Variants in TNIP3 observed in about 807,000 individuals in gnomAD.
TNIP3 encodes the protein TNFAIP3 interacting protein 3.
TNIP3 carries 34 observed loss-of-function variants against 54.1 expected under a neutral mutation model. That is an observed-to-expected ratio of 0.63 (90% confidence interval 0.48 to 0.84). The LOEUF (loss-of-function observed/expected upper bound fraction) is 0.84, where lower values mean the gene tolerates loss of function less well. Among genes scored for constraint, TNIP3 ranks in the 40% least tolerant of loss-of-function variants. The probability of loss-of-function intolerance (pLI) is 0.00; values close to 1 mark genes in which losing one functional copy is unlikely to be tolerated. For synonymous variants in TNIP3, 134 were observed against 136.8 expected, an observed-to-expected ratio of 0.98 and a Z score of 0.14; for missense variants, 366 against 387.6, an observed-to-expected ratio of 0.94 and a Z score of 0.47.
intron 2 of TNIP3, among the ~76,000 whole-genome samples, chr4:121,201,106 T>C (rs1725860878): frequency 6.6e-6 from 1 of 152,292 alleles, no homozygotes; most frequent in South Asian, 2.1e-4. Flanking sequence ...CTAAGCTATG[T>C]AAATGGATGC....
chr4:121,153,021 G>T (rs1729854284), intron 5 of TNIP3, among the ~76,000 whole-genome samples: 1 of 151,960 alleles, frequency 6.6e-6, no homozygotes, highest in Non-Finnish European at 1.5e-5. Context: ...ATTAAACCGG[G>T]AAATACCAGT....
rs746466806 is a variant in TNIP3, at chr4:121,141,890, C to G, written c.811G>C (p.Gly271Arg). The change falls in exon 9 of 11, where the codon GGC becomes CGC. Residue 271 changes from glycine to arginine, a missense_variant. By Grantham distance (125) the Gly-to-Arg change is moderately radical. Coordinates refer to ENST00000057513, the MANE Select transcript of TNIP3 (RefSeq NM_024873.6). ...KQMYCPPCNC[G>R]LVFHLQDPWV... ...GGATCTTGCAGGTGGAAAACCAAGC[C>G]GCAGTTACAGGGTGGGCAATACATC... The G allele has an allele frequency of 6.3e-7, 1 of 1,598,256 alleles. No individual in the cohort carries two copies. The highest frequency in any genetic ancestry group is 1.1e-5 in the South Asian group (1 of 88,562).
chr4:121,179,152 C>T (rs945352487), intron 3 of TNIP3, among the ~76,000 whole-genome samples: 3 of 152,134 alleles, frequency 2.0e-5, no homozygotes, highest in African/African-American at 7.2e-5. Context: ...CAGGAAACTT[C>T]ATGGTTTGTT....
In TNIP3 at chr4:121,148,797, G is replaced by T. The variant is rs777645093; in HGVS notation, c.609+1306C>A. Among the ~76,000 whole-genome samples, 3 of 152,306 alleles carry T rather than the reference G, an allele frequency of 2.0e-5. No individual in the cohort carries two copies. In the East Asian group the frequency reaches 5.8e-4, roughly 29 times the overall value. On this transcript the variant is annotated intron_variant, in intron 6 of 10. Transcript: ENST00000057513. ...TAGCAACAATCATAACACAATTGCTGAATTTTTCCATGTATTGCAACAAAA... is the reference window on the plus strand; with the variant it reads ...TAGCAACAATCATAACACAATTGCTTAATTTTTCCATGTATTGCAACAAAA...
chr4:121,206,458 G>GA (rs1726195025), intron 2 of TNIP3, among the ~76,000 whole-genome samples: 1 of 152,058 alleles, frequency 6.6e-6, no homozygotes, highest in Non-Finnish European at 1.5e-5. Flanking sequence ...ATGCTCACAT[G>GA]AATTTTATCA....
rs1436879443 is a variant in TNIP3 at position 121,224,362 on chromosome 4, CAAAA to C, written c.3+3019_3+3022del. On this transcript the variant is annotated intron_variant, in intron 1 of 12. Transcript: ENST00000509841. ...TGGGCAACAGAGCAAGACTCTGTCT[CAAAA>C]AATAAAAAGAAAAAAGAAAAAAGAA... 2.5e-4 allele frequency among the ~76,000 whole-genome samples: 22 copies of C among 88,544 alleles called. No homozygotes were observed. In the South Asian group the frequency reaches 0.011, roughly 45 times the overall value. The allele number at this position is 88,544 out of a possible 152,430, so 58.1% of individuals were successfully genotyped here. A position where few individuals can be genotyped will look rare whatever the true frequency, so the allele number is the denominator to read the frequency against.
At chr4:121,141,760 C>T in intron 9 of TNIP3, 56 bp downstream of exon 9, 3 of 1,183,310 alleles carry the variant, frequency 2.5e-6, no homozygotes, top group Non-Finnish European at 3.4e-6. Flanking sequence ...CAGAGATGCA[C>T]ATAATTTCTA....
intron 2 of TNIP3, among the ~76,000 whole-genome samples, chr4:121,183,600 C>T (rs1401944606): frequency 6.6e-6 from 1 of 152,228 alleles, no homozygotes; most frequent in East Asian, 1.9e-4. Context: ...TCTGTATTTA[C>T]AGCCCCTCCC....
rs1281517422 is a variant in TNIP3, at chr4:121,154,414, A to G, written c.492+137T>C. 3 of 1,160,844 alleles carry G rather than the reference A, an allele frequency of 2.6e-6. No individual in the cohort carries two copies. In the Admixed American group the frequency reaches 6.8e-5, roughly 26 times the overall value. The allele number at this position is 1,160,844 out of a possible 1,614,324, so 71.9% of individuals were successfully genotyped here. A position where few individuals can be genotyped will look rare whatever the true frequency, so the allele number is the denominator to read the frequency against. ...AAGCTGCAGCTAGGAGTGATTTATA[A>G]AATCACAGATAATTTCTTGTGCAAG... On this transcript the variant is annotated intron_variant, in intron 5 of 10. Transcript: ENST00000057513.
chr4:121,153,645 C>T (rs1478392846), intron 5 of TNIP3, among the ~76,000 whole-genome samples: 1 of 152,164 alleles, frequency 6.6e-6, no homozygotes, highest in Admixed American at 6.5e-5. Context: ...ACTACAGGAT[C>T]ACATTTGCAA....
upstream of TNIP3, among the ~76,000 whole-genome samples, chr4:121,168,397 C>G (rs1201036888): frequency 6.6e-6 from 1 of 151,966 alleles, no homozygotes; most frequent in Non-Finnish European, 1.5e-5. Context: ...GACAGGGTTT[C>G]ACCATATTGG....
chr4:121,222,906 C>T (rs1330583935), intron 1 of TNIP3, among the ~76,000 whole-genome samples: 3 of 149,362 alleles, frequency 2.0e-5, no homozygotes, highest in African/African-American at 7.4e-5. Flanking sequence ...CCCAGGTTCA[C>T]GCTATTCTCC....
chr4:121,154,126 T>A (rs1230122040), intron 5 of TNIP3: 5 of 205,978 alleles, frequency 2.4e-5, no homozygotes, highest in African/African-American at 1.2e-4. Flanking sequence ...AGCCTTGGAT[T>A]CTGCATTTAG....
chr4:121,176,756 C>T (rs754691823), intron 3 of TNIP3, among the ~76,000 whole-genome samples: 19 of 151,464 alleles, frequency 1.3e-4, no homozygotes, highest in Non-Finnish European at 2.4e-4. Context: ...TGTCAATTTA[C>T]GGTAGTTTGC....
chr4:121,135,050 C>G (rs111686882), intron 10 of TNIP3, among the ~76,000 whole-genome samples: 5,817 of 152,198 alleles, frequency 0.038, 374 homozygotes, highest in African/African-American at 0.13. Context: ...ACTCAAGAGT[C>G]CTTATGATGG....
At chr4:121,182,330 C>CTGAT (rs889770854) in intron 3 of TNIP3, among the ~76,000 whole-genome samples, 3 of 152,274 alleles carry the variant, frequency 2.0e-5, no homozygotes, top group African/African-American at 7.2e-5. Flanking sequence ...ATGAGTTGTG[C>CTGAT]TGATCTTGGT....
intron 2 of TNIP3, among the ~76,000 whole-genome samples, chr4:121,208,854 T>G (rs9685224): frequency 0.019 from 2,873 of 152,296 alleles, 55 homozygotes; most frequent in Non-Finnish European, 0.028. Flanking sequence ...GCTAATGAAG[T>G]CTGTCAGGGT....
At chr4:121,204,900 T>A (rs984823952) in intron 2 of TNIP3, among the ~76,000 whole-genome samples, 27 of 152,346 alleles carry the variant, frequency 1.8e-4, no homozygotes, top group Middle Eastern at 3.4e-3. Context: ...ACCAAAGAAT[T>A]CCATTGTTTT....
At chr4:121,212,238 C>G (rs941657845) in intron 2 of TNIP3, among the ~76,000 whole-genome samples, 4 of 152,162 alleles carry the variant, frequency 2.6e-5, no homozygotes, top group African/African-American at 9.6e-5. Flanking sequence ...GTGTTTATCC[C>G]ATGGGCGTTG....
Sources: gnomAD v4.1 joint callset for allele counts (sites outside exome capture counted in the v4.1 genomes callset) on GRCh38, gnomAD v4.1.1 for gene constraint, MANE v1.5 for transcripts, NCBI Gene and HGNC (gene_info 2026-07-23, HGNC 2026-07-21) for gene names.